The following SPEF2 variants were observed in gnomAD, a reference collection of about 807,000 sequenced individuals.
SPEF2 encodes the protein sperm flagella and cilia-associated protein 2.
SPEF2 carries 187 observed loss-of-function variants against 224.6 expected under a neutral mutation model. That is an observed-to-expected ratio of 0.83 (90% CI 0.74 to 0.94). SPEF2 has a LOEUF of 0.94. Ranked by LOEUF, SPEF2 falls within the 40% of genes least tolerant of loss-of-function variation. SPEF2 has a pLI of 0.00. For synonymous variants in SPEF2, 715 were observed against 707.3 expected (o/e 1.01, Z -0.17); for missense variants, 2,170 against 2,135.6 (o/e 1.02, Z -0.32).
Position 35,696,048 on chromosome 5 carries a change from G to A in SPEF2, c.2037+252G>A, listed in dbSNP as rs73082293. ...TAAACTTGTGCTTTTAAAACTTTTAGACAGAGACCAAATTCATTTCATCTT... is the reference window on the plus strand; with the variant it reads ...TAAACTTGTGCTTTTAAAACTTTTAAACAGAGACCAAATTCATTTCATCTT... On this transcript the variant is annotated intron_variant, in intron 14 of 36. Coordinates refer to ENST00000356031, the MANE Select transcript of SPEF2 (RefSeq NM_024867.4). 9.7e-3 allele frequency among the ~76,000 whole-genome samples: 1,484 copies of A among 152,262 alleles called. 29 individuals are homozygous for A. The highest frequency in any genetic ancestry group is 0.035 in the African/African-American group (1,435 of 41,550).
intron 26 of SPEF2, chr5:35,764,581 G>A (rs2149762944): frequency 2.2e-6 from 1 of 456,110 alleles, no homozygotes; most frequent in Non-Finnish European, 4.4e-6. Context: ...TTCACAACAT[G>A]CCAAGCCTTC....
intron 21 of SPEF2, among the ~76,000 whole-genome samples, chr5:35,736,571 A>G (rs1746636585): frequency 6.6e-6 from 1 of 152,204 alleles, no homozygotes; most frequent in Non-Finnish European, 1.5e-5. Context: ...TGAGCACAGC[A>G]TGGGGAAACC....
intron 36 of SPEF2, 141 bp from the exon 37 acceptor site, chr5:35,814,323 A>T: frequency 2.3e-6 from 1 of 429,572 alleles, no homozygotes; most frequent in Non-Finnish European, 4.1e-6. Flanking sequence ...TAAATGGAGA[A>T]ATTTGCTCAG....
At chr5:35,706,790 A>C (rs1739859255) in intron 18 of SPEF2, among the ~76,000 whole-genome samples, 1 of 152,124 alleles carries the variant, frequency 6.6e-6, no homozygotes, top group Non-Finnish European at 1.5e-5. Flanking sequence ...CTACATCTAA[A>C]TGCCTACTCC....
At chr5:35,789,383 G>C in intron 30 of SPEF2, 2 of 703,220 alleles carry the variant, frequency 2.8e-6, no homozygotes, top group Non-Finnish European at 2.6e-6. Context: ...AAGGTGAGAG[G>C]TTGGGATGAT....
At chr5:35,788,691 G>C (rs1172963472) in intron 30 of SPEF2, 1 of 703,018 alleles carries the variant, frequency 1.4e-6, no homozygotes, top group Middle Eastern at 2.3e-4. Context: ...GGTACCCATA[G>C]CATAGAGGGA....
At chr5:35,704,972 G>A (rs907096163) in intron 17 of SPEF2, among the ~76,000 whole-genome samples, 1 of 152,076 alleles carries the variant, frequency 6.6e-6, no homozygotes, top group Non-Finnish European at 1.5e-5. Flanking sequence ...TGCTGGTGAC[G>A]ATGGTGGAAC....
intron 7 of SPEF2, among the ~76,000 whole-genome samples, chr5:35,656,781 G>T (rs1749014569): frequency 6.6e-6 from 1 of 152,164 alleles, no homozygotes; most frequent in Admixed American, 6.5e-5. Flanking sequence ...GCAACCTAAG[G>T]GGCCTAAAAA....
At chr5:35,775,959 A>G (rs574762183) in intron 28 of SPEF2, among the ~76,000 whole-genome samples, 10 of 152,282 alleles carry the variant, frequency 6.6e-5, no homozygotes, top group South Asian at 4.1e-4. Flanking sequence ...CCTTTTCAAA[A>G]TTCAGAAATT....
chr5:35,720,155 A>G (rs1342341714), intron 20 of SPEF2, among the ~76,000 whole-genome samples: 1 of 152,218 alleles, frequency 6.6e-6, no homozygotes, highest in Non-Finnish European at 1.5e-5. Flanking sequence ...AAGAATACTC[A>G]TAGATAGGTT....
At chr5:35,703,234 C>T (rs1250388916) in intron 16 of SPEF2, among the ~76,000 whole-genome samples, 4 of 151,312 alleles carry the variant, frequency 2.6e-5, no homozygotes, top group African/African-American at 7.3e-5. Context: ...TCAAAGATGC[C>T]TACCAGCAAA....
chr5:35,661,254 T>TTTTA (rs1749654454), intron 8 of SPEF2, among the ~76,000 whole-genome samples: 1 of 93,994 alleles, frequency 1.1e-5, no homozygotes, highest in Non-Finnish European at 2.2e-5. Flanking sequence ...TTGGTATATA[T>TTTTA]TATATATATA....
At chr5:35,754,821 A>C (rs776144060) in intron 24 of SPEF2, among the ~76,000 whole-genome samples, 3 of 152,234 alleles carry the variant, frequency 2.0e-5, no homozygotes, top group Non-Finnish European at 4.4e-5. Flanking sequence ...AAAAGGGTAC[A>C]TTTCTGATCC....
chr5:35,784,450 G>A (rs967952838), intron 30 of SPEF2, among the ~76,000 whole-genome samples: 5 of 151,236 alleles, frequency 3.3e-5, no homozygotes, highest in African/African-American at 7.3e-5. Flanking sequence ...TTTAATGACT[G>A]GCCTCAGAGA....
chr5:35,664,782 AAGAG>A (rs1750235770), intron 8 of SPEF2, among the ~76,000 whole-genome samples: 1 of 59,688 alleles, frequency 1.7e-5, no homozygotes, highest in Non-Finnish European at 3.7e-5. Flanking sequence ...GAGAGAGAGA[AAGAG>A]GGAGGGAGAG....
Position 35,776,239 on chromosome 5 carries a change from A to G in SPEF2, c.4079-18A>G, listed in dbSNP as rs779766533. ...CACTGCAATATGTTAAAACATTCTTATTTCTCTTTGCAAATAGAAATAGCC... is the reference window on the plus strand; with the variant it reads ...CACTGCAATATGTTAAAACATTCTTGTTTCTCTTTGCAAATAGAAATAGCC... On this transcript the variant is annotated intron_variant, in intron 28 of 36. Transcript: ENST00000356031. The G allele has an allele frequency of 1.3e-6, 2 of 1,598,250 alleles. No homozygotes were observed. The highest frequency in any genetic ancestry group is 1.1e-5 in the South Asian group (1 of 88,998).
Position 35,671,290 on chromosome 5 carries a change from C to A in SPEF2, c.1524+1063C>A, listed in dbSNP as rs1310026275. 3 of 969,704 alleles carry A rather than the reference C, an allele frequency of 3.1e-6. No homozygotes were observed. In the African/African-American group the frequency reaches 5.3e-5, roughly 17 times the overall value. 60.1% of individuals were successfully genotyped at this position (969,704 alleles called of 1,614,324 possible). ...ACAAGTAAATATTACAAGAAGATAA[C>A]CTTGTGGTTAAAAGATAAGGAAAAA... On this transcript the variant is annotated intron_variant, in intron 10 of 36. Coordinates refer to ENST00000356031, the MANE Select transcript of SPEF2 (RefSeq NM_024867.4).
intron 1 of SPEF2, among the ~76,000 whole-genome samples, chr5:35,623,479 A>G (rs1457063232): frequency 6.6e-6 from 1 of 152,228 alleles, no homozygotes; most frequent in African/African-American, 2.4e-5. Context: ...TCTAGAATCC[A>G]AAAATCTCTG....
At chr5:35,708,005 C>T (rs1445833268) in intron 18 of SPEF2, among the ~76,000 whole-genome samples, 3 of 152,124 alleles carry the variant, frequency 2.0e-5, no homozygotes, top group African/African-American at 7.2e-5. Flanking sequence ...GGTTTGTTTC[C>T]TACCACTAGA....
Sources: gnomAD v4.1 joint callset for allele counts (sites outside exome capture counted in the v4.1 genomes callset) on GRCh38, gnomAD v4.1.1 for gene constraint, MANE v1.5 for transcripts, NCBI Gene and HGNC (gene_info 2026-07-23, HGNC 2026-07-21) for gene names.